PIK3C2G: variants seen among roughly 807,000 people sequenced by gnomAD.
PIK3C2G encodes phosphatidylinositol-4-phosphate 3-kinase catalytic subunit type 2 gamma.
A neutral mutation model predicts 181.1 loss-of-function variants in PIK3C2G; 168 were observed. The ratio of observed to expected loss-of-function variants is 0.93; its 90% CI spans 0.82 to 1.05. PIK3C2G has a LOEUF of 1.05. Ranked by LOEUF, PIK3C2G falls within the 50% of genes least tolerant of loss-of-function variation. The pLI is 0.00. For missense variants in PIK3C2G, 1,869 were observed against 1,732.8 expected (o/e 1.08, Z -1.40); for synonymous variants, 573 against 592.2 (o/e 0.97, Z 0.47).
the PIK3C2G span, chr12:18,684,105 A>G: frequency 6.2e-7 from 1 of 1,608,656 alleles, no homozygotes; most frequent in Non-Finnish European, 8.5e-7. Flanking sequence ...TGCTGGTACA[A>G]TCATCTAACT....
At chr12:18,458,382 T>C (rs185487493) in intron 18 of PIK3C2G, among the ~76,000 whole-genome samples, 2 of 152,292 alleles carry the variant, frequency 1.3e-5, no homozygotes, top group Admixed American at 6.5e-5. Flanking sequence ...AAAAAGTAGA[T>C]TGCATGGTTA....
the PIK3C2G span, among the ~76,000 whole-genome samples, chr12:18,716,787 T>C: frequency 6.6e-6 from 1 of 152,366 alleles, no homozygotes; most frequent in Middle Eastern, 3.4e-3. Context: ...TTGTTGTAAC[T>C]TATTTAGATT....
At position 18,399,685 on chromosome 12, in the gene PIK3C2G, T is replaced by A; in HGVS notation, c.2153T>A (p.Leu718Ter). The A allele has an allele frequency of 6.3e-7, 1 of 1,581,520 alleles. No homozygotes were observed. The highest frequency in any genetic ancestry group is 8.6e-7 in the Non-Finnish European group (1 of 1,158,758). Residue 718 changes from leucine to a stop codon, truncating the protein, a stop_gained, in exon 16 of 33, where the codon TTA (leucine) becomes TAA (stop). Coordinates refer to ENST00000538779, the MANE Select transcript of PIK3C2G (RefSeq NM_001288772.2). LOFTEE classifies it high-confidence loss of function. ...CTCTCTGAAGAAAAGAAAAGATATTTATGGTTTTATCGCTTCTACTGCAAT... is the reference window on the plus strand; with the variant it reads ...CTCTCTGAAGAAAAGAAAAGATATTAATGGTTTTATCGCTTCTACTGCAAT... The part of the protein sequence containing the change: ...LLLSEEKKRY[L>*]WFYRFYCNNE...
chr12:18,656,883 A>G, the PIK3C2G span, among the ~76,000 whole-genome samples: 1 of 152,228 alleles, frequency 6.6e-6, no homozygotes, highest in Non-Finnish European at 1.5e-5. Flanking sequence ...GTTAAATTTC[A>G]GTAAGAGAGA....
intron 12 of PIK3C2G, among the ~76,000 whole-genome samples, chr12:18,367,129 T>G (rs1268188417): frequency 6.6e-6 from 1 of 152,006 alleles, no homozygotes. Context: ...AGAAATAAAG[T>G]GAAATTACAG....
intron 8 of PIK3C2G, among the ~76,000 whole-genome samples, chr12:18,328,750 C>T (rs1402067387): frequency 6.6e-6 from 1 of 151,922 alleles, no homozygotes; most frequent in Non-Finnish European, 1.5e-5. Context: ...GAAGATAAAA[C>T]ATTTTTAAGA....
chr12:18,615,346 TG>T (rs1461899098), intron 31 of PIK3C2G, among the ~76,000 whole-genome samples: 2 of 113,628 alleles, frequency 1.8e-5, no homozygotes, highest in African/African-American at 5.7e-5. Flanking sequence ...TGTGTGTGTG[TG>T]TGTGTGTGTG....
chr12:18,369,156 G>C (rs959829794), intron 12 of PIK3C2G, among the ~76,000 whole-genome samples: 1 of 152,096 alleles, frequency 6.6e-6, no homozygotes. Context: ...TGGCCATCAG[G>C]TATCATCCCA....
intron 29 of PIK3C2G, among the ~76,000 whole-genome samples, chr12:18,584,068 G>T (rs1000572264): frequency 6.7e-6 from 1 of 150,068 alleles, no homozygotes; most frequent in South Asian, 2.1e-4. Context: ...TCGCTCTGTC[G>T]CCCAGGCTGG....
intron 31 of PIK3C2G, among the ~76,000 whole-genome samples, chr12:18,617,602 T>C (rs1221621754): frequency 2.0e-5 from 3 of 152,202 alleles, no homozygotes; most frequent in South Asian, 2.1e-4. Flanking sequence ...GATTGTATTA[T>C]AGCATTAGCA....
At chr12:18,386,907 GT>G (rs562259474) in intron 14 of PIK3C2G, among the ~76,000 whole-genome samples, 96 of 152,166 alleles carry the variant, frequency 6.3e-4, no homozygotes, top group African/African-American at 2.2e-3. Context: ...GCACTTCTGA[GT>G]CTGTATCTCT....
the PIK3C2G span, among the ~76,000 whole-genome samples, chr12:18,709,691 C>G: frequency 6.6e-6 from 1 of 151,872 alleles, no homozygotes; most frequent in Non-Finnish European, 1.5e-5. Context: ...ACACCAGCCT[C>G]GACAACATAA....
chr12:18,396,443 G>C (rs575671209), intron 15 of PIK3C2G, among the ~76,000 whole-genome samples: 2 of 151,408 alleles, frequency 1.3e-5, no homozygotes, highest in East Asian at 3.9e-4. Context: ...TTCTCCTAAG[G>C]TTAGAAACAA....
At chr12:18,351,820 A>G (rs1043701265) in intron 11 of PIK3C2G, among the ~76,000 whole-genome samples, 1 of 152,212 alleles carries the variant, frequency 6.6e-6, no homozygotes, top group Admixed American at 6.5e-5. Flanking sequence ...TTGGGGAATT[A>G]TGTTCTGAGA....
chr12:18,499,620 G>A (rs1298195206), intron 22 of PIK3C2G, among the ~76,000 whole-genome samples: 1 of 152,152 alleles, frequency 6.6e-6, no homozygotes, highest in Non-Finnish European at 1.5e-5. Context: ...AAATTACATA[G>A]GGGGATGGAA....
At chr12:18,365,698 C>A (rs1201564194) in intron 12 of PIK3C2G, among the ~76,000 whole-genome samples, 8 of 152,144 alleles carry the variant, frequency 5.3e-5, no homozygotes, top group Non-Finnish European at 1.2e-4. Context: ...TTTTCTCTTA[C>A]AGTTATATAC....
intron 29 of PIK3C2G, among the ~76,000 whole-genome samples, chr12:18,581,095 T>G (rs1946476834): frequency 1.3e-5 from 2 of 152,236 alleles, no homozygotes; most frequent in African/African-American, 4.8e-5. Flanking sequence ...TTTAAGTAAC[T>G]TTGAATTGAT....
At chr12:18,521,290 G>A (rs1276763571) in intron 24 of PIK3C2G, among the ~76,000 whole-genome samples, 2 of 152,224 alleles carry the variant, frequency 1.3e-5, no homozygotes, top group Admixed American at 1.3e-4. Flanking sequence ...GAAGGGTTGT[G>A]CTTCACTGTG....
At chr12:18,386,986 G>T (rs1943212062) in intron 14 of PIK3C2G, among the ~76,000 whole-genome samples, 1 of 152,010 alleles carries the variant, frequency 6.6e-6, no homozygotes, top group Non-Finnish European at 1.5e-5. Flanking sequence ...ACCCCCACCT[G>T]GATATTCTAT....
Sources: gnomAD v4.1 joint callset for allele counts (sites outside exome capture counted in the v4.1 genomes callset) on GRCh38, gnomAD v4.1.1 for gene constraint, MANE v1.5 for transcripts, NCBI Gene and HGNC (gene_info 2026-07-23, HGNC 2026-07-21) for gene names.